The following WDR7 variants were observed in gnomAD, a reference collection of about 807,000 sequenced individuals.
WDR7 encodes the protein WD repeat-containing protein 7.
Under a neutral mutation model 169.4 loss-of-function variants are expected in WDR7, and 46 were observed. That is an observed-to-expected ratio of 0.27 (90% CI 0.21 to 0.35). The LOEUF is 0.35. WDR7 is among the 10% of genes least tolerant of loss of function. The probability of loss-of-function intolerance (pLI) is 1.00; values close to 1 mark genes in which losing one functional copy is unlikely to be tolerated. For synonymous variants in WDR7, 612 were observed against 666.8 expected (o/e 0.92, Z 1.27); for missense variants, 1,534 against 1,859.3 (o/e 0.83, Z 3.22).
At chr18:56,811,452 A>T (rs2044867846) in intron 19 of WDR7, among the ~76,000 whole-genome samples, 1 of 152,060 alleles carries the variant, frequency 6.6e-6, no homozygotes, top group Non-Finnish European at 1.5e-5. Flanking sequence ...TTGTCTTTTC[A>T]TCTTCTTAAT....
At chr18:56,846,435 C>T (rs569934638) in intron 20 of WDR7, among the ~76,000 whole-genome samples, 1 of 152,248 alleles carries the variant, frequency 6.6e-6, no homozygotes, top group Non-Finnish European at 1.5e-5. Flanking sequence ...ATGGGTTTAT[C>T]AGGGGTTCCC....
At position 56,991,175 on chromosome 18, in the gene WDR7, C is replaced by A. The variant is rs189198868; in HGVS notation, c.4164+28646C>A. On this transcript the variant is annotated intron_variant, in intron 26 of 27. Coordinates refer to ENST00000254442, the MANE Select transcript of WDR7 (RefSeq NM_015285.3). Reference sequence around the variant, plus strand: ...TTTTTTTTTTTTTTTGAGACGGAGTCTCGCTCTGTCGCCCAGGCTGGAGTG... The same window carrying A: ...TTTTTTTTTTTTTTTGAGACGGAGTATCGCTCTGTCGCCCAGGCTGGAGTG... 3.8e-4 allele frequency among the ~76,000 whole-genome samples: 47 copies of A among 123,568 alleles called. No individual in the cohort carries two copies. The East Asian group carries it at 4.3e-3, about 11-fold the overall frequency. 81.1% of individuals were successfully genotyped at this position (123,568 alleles called of 152,430 possible).
intron 13 of WDR7, among the ~76,000 whole-genome samples, chr18:56,724,064 T>G (rs539623037): frequency 6.6e-6 from 1 of 151,978 alleles, no homozygotes; most frequent in African/African-American, 2.4e-5. Context: ...ATGCAAAACC[T>G]TTTGAACATC....
chr18:56,988,900 G>A (rs1317076386), intron 26 of WDR7, among the ~76,000 whole-genome samples: 2 of 151,870 alleles, frequency 1.3e-5, no homozygotes, highest in African/African-American at 4.8e-5. Context: ...TTTTGTTCCG[G>A]TTTCTTGTAA....
At chr18:56,883,507 GT>G (rs946355450) in intron 21 of WDR7, among the ~76,000 whole-genome samples, 116 of 136,134 alleles carry the variant, frequency 8.5e-4, no homozygotes, top group African/African-American at 1.6e-3. Flanking sequence ...TTGTTTTTTT[GT>G]TTTTTTTTTT....
chr18:56,764,925 T>C (rs1001726788), intron 16 of WDR7, among the ~76,000 whole-genome samples: 1 of 152,192 alleles, frequency 6.6e-6, no homozygotes. Context: ...TTTGAAGCTC[T>C]CTTATTAGGT....
intron 19 of WDR7, among the ~76,000 whole-genome samples, chr18:56,807,625 G>C (rs775723926): frequency 2.7e-5 from 4 of 149,792 alleles, no homozygotes; most frequent in Non-Finnish European, 5.9e-5. Context: ...TTTCCCTTTT[G>C]TTGCTTTCAG....
intron 21 of WDR7, among the ~76,000 whole-genome samples, chr18:56,896,615 A>G (rs2046335615): frequency 6.6e-6 from 1 of 151,894 alleles, no homozygotes; most frequent in African/African-American, 2.4e-5. Flanking sequence ...AATAAATGGT[A>G]TATATACTAT....
At chr18:56,652,382 C>T (rs138922514) in intron 1 of WDR7, among the ~76,000 whole-genome samples, 1 of 152,178 alleles carries the variant, frequency 6.6e-6, no homozygotes, top group African/African-American at 2.4e-5. Context: ...CTGACTCTTT[C>T]AGGTGTTTAT....
chr18:56,853,568 G>T (rs151114100), intron 20 of WDR7, among the ~76,000 whole-genome samples: 270 of 152,176 alleles, frequency 1.8e-3, no homozygotes, highest in African/African-American at 6.2e-3. Context: ...TTAACTACCA[G>T]AGACCCGAAC....
At chr18:57,016,535 A>G (rs906164129) in intron 26 of WDR7, among the ~76,000 whole-genome samples, 3 of 152,228 alleles carry the variant, frequency 2.0e-5, no homozygotes, top group Non-Finnish European at 4.4e-5. Flanking sequence ...CAAACTTGTC[A>G]TTTGGAAGCT....
At chr18:56,974,362 C>CTTTTTTTTTTTTTT (rs34901751) in intron 26 of WDR7, among the ~76,000 whole-genome samples, 3 of 111,816 alleles carry the variant, frequency 2.7e-5, no homozygotes, top group African/African-American at 6.9e-5. Flanking sequence ...GCTTTTCTTG[C>CTTTTTTTTTTTTTT]TTTTTTTTTT....
chr18:56,767,859 C>T (rs78747010), intron 16 of WDR7, among the ~76,000 whole-genome samples: 2,281 of 152,152 alleles, frequency 0.015, 30 homozygotes, highest in Non-Finnish European at 0.025. Context: ...CTCTAGATCC[C>T]GTGCTTTTTC....
At chr18:56,978,050 AAAG>A (rs905489833) in intron 26 of WDR7, among the ~76,000 whole-genome samples, 17 of 152,246 alleles carry the variant, frequency 1.1e-4, no homozygotes, top group African/African-American at 4.1e-4. Flanking sequence ...GACAGAGGTT[AAAG>A]AAGAAGGCAA....
chr18:56,814,247 A>G (rs956652881), intron 19 of WDR7, among the ~76,000 whole-genome samples: 3 of 152,126 alleles, frequency 2.0e-5, no homozygotes, highest in African/African-American at 4.8e-5. Context: ...TTAATTTTGT[A>G]GGAAATGAAA....
At chr18:56,759,418 A>G (rs932951915) in intron 16 of WDR7, among the ~76,000 whole-genome samples, 3 of 152,156 alleles carry the variant, frequency 2.0e-5, no homozygotes, top group Non-Finnish European at 1.5e-5. Flanking sequence ...GAGTCATTAT[A>G]TACCTTAACT....
At chr18:56,695,311 GT>G in intron 11 of WDR7, 113 bp downstream of exon 11, 1 of 1,366,910 alleles carries the variant, frequency 7.3e-7, no homozygotes, top group East Asian at 2.3e-5. Context: ...GTAGTTAGTT[GT>G]TGGGGTGCTA....
chr18:56,880,280 T>C (rs2046087410), intron 21 of WDR7, 115 bp downstream of exon 21: 1 of 1,016,196 alleles, frequency 9.8e-7, no homozygotes. Flanking sequence ...ATTGCTTGCG[T>C]GAAGTTAGAA....
chr18:56,694,533 CT>C (rs2025654189), intron 9 of WDR7, 85 bp from the exon 10 acceptor site: 26 of 1,354,516 alleles, frequency 1.9e-5, no homozygotes, highest in Non-Finnish European at 2.6e-5. Flanking sequence ...GACAAATTAC[CT>C]AATATCTTTG....
Sources: gnomAD v4.1 joint callset for allele counts (sites outside exome capture counted in the v4.1 genomes callset) on GRCh38, gnomAD v4.1.1 for gene constraint, MANE v1.5 for transcripts, NCBI Gene and HGNC (gene_info 2026-07-23, HGNC 2026-07-21) for gene names.